Variants in DNAH8 observed in about 807,000 individuals in gnomAD.
DNAH8 encodes the protein dynein axonemal heavy chain 8.
A neutral mutation model predicts 562.1 loss-of-function variants in DNAH8; 382 were observed. The ratio of observed to expected loss-of-function variants is 0.68; its 90% CI spans 0.63 to 0.74. The LOEUF (loss-of-function observed/expected upper bound fraction) is 0.74, where lower values mean the gene tolerates loss of function less well. Ranked by LOEUF, DNAH8 falls within the 30% of genes least tolerant of loss-of-function variation. The pLI is 0.00. For synonymous variants in DNAH8, 1,881 were observed against 1,919.4 expected (o/e 0.98, Z 0.52); for missense variants, 5,203 against 5,620.4 (o/e 0.93, Z 2.37).
In DNAH8 at chr6:38,842,496, T is replaced by A. The variant is rs1670941492; in HGVS notation, c.4595T>A (p.Phe1532Tyr). ...AAAATTAATGCAGAACTGCTGGAAT[T>A]TCAAAACAGGTGAGTTTCAATGGAA... is the stretch of plus-strand genomic sequence containing the variant. ...IEKINAELLE[F>Y]QNRCRKLPKG... The change falls in exon 34 of 93, where the codon TTT becomes TAT. Residue 1532 changes from phenylalanine to tyrosine, a missense_variant. Phe to Tyr is a conservative substitution (Grantham distance 22). Coordinates refer to ENST00000327475, the MANE Select transcript of DNAH8 (RefSeq NM_001206927.2). 1 of 1,610,870 alleles carries A rather than the reference T, an allele frequency of 6.2e-7. No homozygotes were observed. Among genetic ancestry groups the A allele is most frequent in the Non-Finnish European group, 8.5e-7 (1 of 1,179,248 alleles).
At chr6:38,832,460 A>G (rs753730319) in intron 31 of DNAH8, 25 bp downstream of exon 31, 1 of 1,361,318 alleles carries the variant, frequency 7.3e-7, no homozygotes. Flanking sequence ...TTCTTGCTGT[A>G]TGTTGAAATG....
At chr6:38,781,605 A>G (rs1768623368) in intron 16 of DNAH8, among the ~76,000 whole-genome samples, 3 of 152,182 alleles carry the variant, frequency 2.0e-5, no homozygotes, top group Admixed American at 6.5e-5. Flanking sequence ...GAATCTTATA[A>G]TTTTATGTCT....
chr6:38,837,529 G>A (rs961936379), intron 32 of DNAH8, among the ~76,000 whole-genome samples: 1 of 152,178 alleles, frequency 6.6e-6, no homozygotes, highest in Non-Finnish European at 1.5e-5. Context: ...TTCATTGCAT[G>A]TACAGAAAAC....
At chr6:39,022,681 C>T (rs933539270) in intron 91 of DNAH8, among the ~76,000 whole-genome samples, 10 of 152,192 alleles carry the variant, frequency 6.6e-5, no homozygotes, top group Admixed American at 4.6e-4. Context: ...TTCAAGAAAC[C>T]TCTGGGGTCT....
In DNAH8 at chr6:38,781,303, C is replaced by G. The variant is rs1768577154; in HGVS notation, c.2189C>G (p.Pro730Arg). The G allele has an allele frequency of 6.2e-7, 1 of 1,613,806 alleles. No individual in the cohort carries two copies. Among genetic ancestry groups the G allele is most frequent in the Admixed American group, 1.7e-5 (1 of 59,980 alleles). The change falls in exon 16 of 93, where the codon CCT becomes CGT. Residue 730 changes from proline (P) to arginine (R), a missense_variant. Around this residue, in one of 6 missense-constraint regions of DNAH8, gnomAD observed 2,176 missense variants for 2,365.1 expected, o/e 0.92. Coordinates refer to ENST00000327475, the MANE Select transcript of DNAH8 (RefSeq NM_001206927.2). ...DDPPLARNMPPIAGKILWVRQ... is the reference protein window; with the variant it reads ...DDPPLARNMPRIAGKILWVRQ... ...CCCCCTCTTGCTCGCAACATGCCCC[C>G]TATAGCAGGAAAAATACTCTGGGTG...
intron 21 of DNAH8, 149 bp from the exon 22 acceptor site, chr6:38,803,030 A>G (rs1214120972): frequency 5.5e-6 from 3 of 549,232 alleles, no homozygotes; most frequent in Non-Finnish European, 9.3e-6. Context: ...ACAATTTTGA[A>G]TCTGAAGCAT....
At position 39,030,423 on chromosome 6, in the gene DNAH8, C is replaced by G; in HGVS notation, c.*31C>G. On this transcript the variant is annotated 3_prime_UTR_variant, in exon 93 of 93. Transcript: ENST00000327475. Reference sequence around the variant, plus strand: ...TTTCCATCTGCTCAGGGCACCAGAACCCACATAGACAGCCTGTGCTATTGA... The same window carrying G: ...TTTCCATCTGCTCAGGGCACCAGAAGCCACATAGACAGCCTGTGCTATTGA... The G allele has an allele frequency of 6.3e-7, 1 of 1,590,270 alleles. No homozygotes were observed. The highest frequency in any genetic ancestry group is 8.6e-7 in the Non-Finnish European group (1 of 1,164,474).
chr6:38,830,194 T>G (rs1390928437), intron 30 of DNAH8, among the ~76,000 whole-genome samples: 1 of 152,252 alleles, frequency 6.6e-6, no homozygotes, highest in Non-Finnish European at 1.5e-5. Flanking sequence ...GCTCTGGGTT[T>G]AATTTGTTCC....
intron 85 of DNAH8, among the ~76,000 whole-genome samples, chr6:38,978,781 G>A (rs184138974): frequency 1.1e-4 from 16 of 152,260 alleles, no homozygotes; most frequent in Non-Finnish European, 2.2e-4. Flanking sequence ...TTTCATCAGT[G>A]TTCTAAGGAG....
chr6:38,739,564 T>G (rs1388424534), intron 7 of DNAH8, among the ~76,000 whole-genome samples: 1 of 152,114 alleles, frequency 6.6e-6, no homozygotes, highest in East Asian at 1.9e-4. Flanking sequence ...CCCAGCACTT[T>G]GGGAGCCCAA....
At chr6:38,802,111 T>A (rs989199360) in intron 21 of DNAH8, among the ~76,000 whole-genome samples, 1 of 151,568 alleles carries the variant, frequency 6.6e-6, no homozygotes. Flanking sequence ...TTCTAAAAAA[T>A]TTATTGTAGA....
intron 12 of DNAH8, among the ~76,000 whole-genome samples, chr6:38,774,757 A>G (rs752475613): frequency 2.6e-4 from 40 of 152,196 alleles, no homozygotes; most frequent in Non-Finnish European, 3.4e-4. Context: ...TTTGCTCTTT[A>G]AAGTAGGTGA....
intron 52 of DNAH8, 49 bp downstream of exon 52, chr6:38,873,425 C>A (rs781079134): frequency 6.7e-7 from 1 of 1,487,586 alleles, no homozygotes; most frequent in Admixed American, 2.2e-5. Context: ...ATTTTTTTTT[C>A]ACTCAGTTGC....
chr6:38,782,495 A>T (rs1310472914), intron 16 of DNAH8, among the ~76,000 whole-genome samples: 1 of 152,088 alleles, frequency 6.6e-6, no homozygotes, highest in Non-Finnish European at 1.5e-5. Flanking sequence ...TTGGCGAGGC[A>T]GGTCTCCAAC....
At chr6:38,950,614 T>C (rs1261408836) in intron 81 of DNAH8, among the ~76,000 whole-genome samples, 1 of 152,020 alleles carries the variant, frequency 6.6e-6, no homozygotes, top group African/African-American at 2.4e-5. Flanking sequence ...TAATTTTTTG[T>C]ATTTTTAGTA....
At chr6:38,831,020 A>C (rs1009046188) in intron 30 of DNAH8, among the ~76,000 whole-genome samples, 2 of 152,198 alleles carry the variant, frequency 1.3e-5, no homozygotes, top group Non-Finnish European at 2.9e-5. Flanking sequence ...TTCAATATTA[A>C]CTAATAGCTT....
chr6:38,937,996 T>G lies in DNAH8; in HGVS notation c.11586T>G (p.Ser3862=), dbSNP rs561940263. 2.5e-6 allele frequency: 4 copies of G among 1,613,908 alleles called. No individual in the cohort carries two copies. In the Admixed American group the frequency reaches 5.0e-5, roughly 20 times the overall value. ...CAGGCTCATTGGTAGATGACGAATC[T>G]CTCATTGGTGTACTTCGAACTACCA... ...ATKGSLVDDE[S]LIGVLRTTKQ... Residue 3862 remains serine, a synonymous_variant, in exon 78 of 93, where the codon TCT becomes TCG. Transcript: ENST00000327475.
At chr6:38,906,709 T>A in intron 63 of DNAH8, among the ~76,000 whole-genome samples, 1 of 151,992 alleles carries the variant, frequency 6.6e-6, no homozygotes, top group East Asian at 1.9e-4. Context: ...TAGTGAGGAG[T>A]ATAGAATGGT....
Position 38,836,132 on chromosome 6 carries a change from C to G in DNAH8, c.4365+1491C>G, listed in dbSNP as rs936307870. On this transcript the variant is annotated intron_variant, in intron 32 of 92. Transcript: ENST00000327475. ...TATTGACGAAGGTAGAACTACTTAT[C>G]GAAGGAGGGCATGTAGTAGGAGGAG... Among the ~76,000 whole-genome samples, 5 of 152,072 alleles carry G rather than the reference C, an allele frequency of 3.3e-5. No homozygotes were observed. In the East Asian group the frequency reaches 9.6e-4, roughly 29 times the overall value.
Sources: gnomAD v4.1 joint callset for allele counts (sites outside exome capture counted in the v4.1 genomes callset) on GRCh38, gnomAD v4.1.1 for gene constraint, gnomAD v4.1.1 regional missense constraint, MANE v1.5 for transcripts, NCBI Gene and HGNC (gene_info 2026-07-23, HGNC 2026-07-21) for gene names.